Variants in SEMA4A observed in about 807,000 individuals in gnomAD.
The protein encoded by SEMA4A is semaphorin 4A.
A neutral mutation model predicts 72.5 loss-of-function variants in SEMA4A; 52 were observed. The ratio of observed to expected loss-of-function variants is 0.72; its 90% CI spans 0.57 to 0.90. The LOEUF (loss-of-function observed/expected upper bound fraction) is 0.90. Among genes scored for constraint, SEMA4A ranks in the 40% least tolerant of loss-of-function variants. The pLI is 0.00. For synonymous variants in SEMA4A, 369 were observed against 393.1 expected, an observed-to-expected ratio of 0.94 and a Z score of 0.73; for missense variants, 926 against 959.7, an observed-to-expected ratio of 0.96 and a Z score of 0.46.
chr1:156,172,921 A>C lies in SEMA4A; in HGVS notation c.1230A>C (p.Lys410Asn). Residue 410 changes from lysine to asparagine, a missense_variant, in exon 11 of 15, where the codon AAA becomes AAC. Coordinates refer to ENST00000368285, the MANE Select transcript of SEMA4A (RefSeq NM_022367.4). ...TGGTGGGGACGCCCCTGCTGGTGAA[A>C]TCTGGCGTGGAGTATACACGGCTTG... ...EQVVGTPLLV[K>N]SGVEYTRLAV... 2 of 1,614,066 alleles carry C rather than the reference A, an allele frequency of 1.2e-6. No homozygotes were observed. Among genetic ancestry groups the C allele is most frequent in the Non-Finnish European group, 1.7e-6 (2 of 1,180,004 alleles).
intron 10 of SEMA4A, among the ~76,000 whole-genome samples, chr1:156,168,411 A>G (rs1265324569): frequency 1.3e-5 from 2 of 151,226 alleles, no homozygotes; most frequent in African/African-American, 4.9e-5. Context: ...TTTAGTAGAG[A>G]TGGGGTTTCA....
At chr1:156,174,757 C>G in intron 11 of SEMA4A, 65 bp from the exon 12 acceptor site, 3 of 1,611,278 alleles carry the variant, frequency 1.9e-6, no homozygotes, top group Non-Finnish European at 2.5e-6. Context: ...GGGGAGGCCC[C>G]CGGAAGTTGG....
chr1:156,161,310 G>GGGGGGGGGGGGGGGGGGGCCCCC, intron 8 of SEMA4A, 36 bp from the exon 9 acceptor site: 1 of 1,381,208 alleles, frequency 7.2e-7, no homozygotes, highest in Non-Finnish European at 9.7e-7. Context: ...GGGTCGGGGC[G>GGGGGGGGGGGGGGGGGGGCCCCC]CCCGGGGCGC....
intron 9 of SEMA4A, among the ~76,000 whole-genome samples, chr1:156,162,065 A>G (rs1410523963): frequency 1.3e-5 from 2 of 152,192 alleles, no homozygotes; most frequent in Non-Finnish European, 2.9e-5. Flanking sequence ...GATCAAGACC[A>G]TCCTGGCCAA....
intron 10 of SEMA4A, among the ~76,000 whole-genome samples, chr1:156,166,347 C>A (rs1440496380): frequency 1.3e-5 from 2 of 152,130 alleles, no homozygotes; most frequent in African/African-American, 4.8e-5. Flanking sequence ...CCGGCCCTAT[C>A]TTCTTTTCAT....
upstream of SEMA4A, among the ~76,000 whole-genome samples, chr1:156,151,607 C>A (rs116720437): frequency 6.6e-6 from 1 of 151,962 alleles, no homozygotes; most frequent in Non-Finnish European, 1.5e-5. Context: ...CTGAGTCAGG[C>A]GGATCACTTG....
rs780625142 is a variant in SEMA4A at position 156,175,648 on chromosome 1, C to T, written c.1685C>T (p.Pro562Leu). 1.1e-5 allele frequency: 18 copies of T among 1,605,616 alleles called. No homozygotes were observed. The highest frequency in any genetic ancestry group is 1.1e-4 in the East Asian group (5 of 44,706). ...MSRSLRPQSRPQIIKEVLAVP... is the reference protein window; with the variant it reads ...MSRSLRPQSRLQIIKEVLAVP... ...AGGAGCCTTCGGCCTCAGAGCCGCC[C>T]GCAAATCAGTGAGTGTAGGACCACT... The change falls in exon 14 of 15, where the codon CCG (proline) becomes CTG (leucine). Residue 562 changes from proline to leucine, a missense_variant. By Grantham distance (98) the Pro-to-Leu change is moderately conservative. Coordinates refer to ENST00000368285, the MANE Select transcript of SEMA4A (RefSeq NM_022367.4).
intron 8 of SEMA4A, 39 bp downstream of exon 8, chr1:156,161,068 GAA>G (rs1653574989): frequency 1.9e-6 from 3 of 1,594,662 alleles, no homozygotes; most frequent in Non-Finnish European, 1.7e-6. Context: ...AACTGGAGGA[GAA>G]CCAATAGGGA....
chr1:156,160,083 GAGAGAAGGGT>G (rs1369710874), intron 6 of SEMA4A, among the ~76,000 whole-genome samples: 2 of 152,098 alleles, frequency 1.3e-5, no homozygotes, highest in Non-Finnish European at 2.9e-5. Flanking sequence ...GTGTTCCAGG[GAGAGAAGGGT>G]AGGACCCAAG....
At chr1:156,159,794 C>G (rs1016674964) in intron 6 of SEMA4A, among the ~76,000 whole-genome samples, 7 of 151,612 alleles carry the variant, frequency 4.6e-5, no homozygotes, top group African/African-American at 1.7e-4. Context: ...ATTAGCCGGA[C>G]AAGCGCCTGT....
Position 156,177,669 on chromosome 1 carries a change from C to G in SEMA4A, c.*672C>G, listed in dbSNP as rs1250085035. The G allele has an allele frequency of 6.4e-6, 1 of 155,218 alleles. No individual in the cohort carries two copies. Among genetic ancestry groups the G allele is most frequent in the Non-Finnish European group, 1.4e-5 (1 of 69,694 alleles). The allele number at this position is 155,218 out of a possible 1,614,324, so 9.6% of individuals were successfully genotyped here. A position where few individuals can be genotyped will look rare whatever the true frequency, so the allele number is the denominator to read the frequency against. On this transcript the variant is annotated 3_prime_UTR_variant, in exon 15 of 15. Transcript: ENST00000368285. ...AGCTGACCCCTTCACCTCTCCCCCT[C>G]CCTTTTCCTTTGTTTTGGGATTCAG...
upstream of SEMA4A, among the ~76,000 whole-genome samples, chr1:156,151,832 T>G (rs1652556605): frequency 9.0e-6 from 1 of 111,052 alleles, no homozygotes; most frequent in African/African-American, 4.0e-5. Flanking sequence ...GAGCAACACT[T>G]CGTCTCAAAA....
chr1:156,170,460 CAAAAAAAA>C (rs35927446), intron 10 of SEMA4A, among the ~76,000 whole-genome samples: 1 of 40,302 alleles, frequency 2.5e-5, no homozygotes, highest in Non-Finnish European at 4.4e-5. Flanking sequence ...GATACTGTCT[CAAAAAAAA>C]AAAAAAAAAA....
chr1:156,153,286 G>A (rs539408293), upstream of SEMA4A: 1 of 152,322 alleles, frequency 6.6e-6, no homozygotes, highest in African/African-American at 2.4e-5. Context: ...TTGTGGGTAA[G>A]TGAAAAGAAG....
intron 2 of SEMA4A, chr1:156,154,927 A>C: frequency 1.5e-6 from 1 of 662,982 alleles, no homozygotes. Context: ...TGGAGAGCAG[A>C]TTGAGGAAAA....
In SEMA4A at chr1:156,176,281, GC is replaced by G. The variant is rs769898613; in HGVS notation, c.1694-122del. 5.7e-4 allele frequency: 429 copies of G among 758,112 alleles called. 1 individual carries two copies. Among genetic ancestry groups the G allele is most frequent in the Non-Finnish European group, 8.7e-4 (401 of 463,106 alleles). The allele number at this position is 758,112 out of a possible 1,614,324, so 47.0% of individuals were successfully genotyped here. ...ACTGCACTCCAGCCTGGGCAATAGAGCCAGAACCTGCCTCAAAAAAAAAAAA... is the reference window on the plus strand; with the variant it reads ...ACTGCACTCCAGCCTGGGCAATAGAGCAGAACCTGCCTCAAAAAAAAAAAA... On this transcript the variant is annotated intron_variant, in intron 14 of 14. Transcript: ENST00000368285.
chr1:156,176,636 GC>G lies in SEMA4A; in HGVS notation c.1927del (p.Gln643ArgfsTer19), dbSNP rs754090909. The G allele has an allele frequency of 8.7e-6, 14 of 1,614,210 alleles. No homozygotes were observed. Among genetic ancestry groups the G allele is most frequent in the East Asian group, 2.2e-5 (1 of 44,886 alleles). On this transcript the variant is annotated frameshift_variant, in exon 15 of 15. Coordinates refer to ENST00000368285, the MANE Select transcript of SEMA4A (RefSeq NM_022367.4). LOFTEE classifies it high-confidence loss of function. ...SYPVISYWVDSQDQTLALDPE... is the reference protein window; with the variant it reads ...SYPVISYWVDXQDQTLALDPE... The stretch of plus-strand genomic sequence containing the variant: ...CCTGTGATCTCCTACTGGGTGGACA[GC>G]CAGGACCAGACCCTGGCCCTGGATC...
At position 156,162,932 on chromosome 1, in the gene SEMA4A, G is replaced by T. The variant is rs374111156; in HGVS notation, c.984-12G>T. ...AGAGACCACAGACAATGTTCCCTCT[G>T]GCTGTCTCCAGGCAGGTTGGCGGGA... is the stretch of plus-strand genomic sequence containing the variant. On this transcript the variant is annotated splice_polypyrimidine_tract_variant and intron_variant, in intron 9 of 14. Transcript: ENST00000368285. The T allele has an allele frequency of 5.2e-5, 84 of 1,613,294 alleles. No homozygotes were observed. In the African/African-American group the frequency reaches 9.5e-4, roughly 18 times the overall value.
intron 2 of SEMA4A, 115 bp downstream of exon 2, chr1:156,154,832 G>C: frequency 8.1e-7 from 1 of 1,228,200 alleles, no homozygotes; most frequent in Non-Finnish European, 1.1e-6. Context: ...CAGGGACACA[G>C]AGAGAGATGC....
Sources: allele counts gnomAD v4.1 joint callset (sites outside exome capture counted in the v4.1 genomes callset), GRCh38; gene constraint gnomAD v4.1.1; transcripts MANE v1.5; gene names NCBI Gene and HGNC (gene_info 2026-07-23, HGNC 2026-07-21).